Variants in PDE9A observed in about 807,000 individuals in gnomAD.
The protein encoded by PDE9A is phosphodiesterase 9A.
PDE9A carries 60 observed loss-of-function variants against 87.4 expected under a neutral mutation model. The observed-to-expected ratio is 0.69, with a 90% confidence interval of 0.56 to 0.85. The LOEUF is 0.85. Ranked by LOEUF, PDE9A falls within the 40% of genes least tolerant of loss-of-function variation. The pLI is 0.00. For synonymous variants in PDE9A, 272 were observed against 279.4 expected (o/e 0.97, Z 0.27); for missense variants, 665 against 779.0 (o/e 0.85, Z 1.74).
intron 1 of PDE9A, among the ~76,000 whole-genome samples, chr21:42,664,251 C>T (rs2057804088): frequency 6.6e-6 from 1 of 152,234 alleles, no homozygotes; most frequent in Non-Finnish European, 1.5e-5. Context: ...GCAATGGTGC[C>T]TCACCTCGCA....
intron 4 of PDE9A, among the ~76,000 whole-genome samples, chr21:42,699,674 CCCTCCCAGGTAG>C (rs2048231482): frequency 6.6e-6 from 1 of 152,054 alleles, no homozygotes; most frequent in South Asian, 2.1e-4. Context: ...TCCTGCCTCA[CCCTCCCAGGTAG>C]CTGGGATTAC....
intron 19 of PDE9A, 140 bp downstream of exon 19, chr21:42,772,660 T>A: frequency 3.2e-6 from 2 of 622,420 alleles, no homozygotes; most frequent in South Asian, 1.9e-5. Flanking sequence ...TGAAACTAAG[T>A]CTCGCTCTTG....
rs2059875488 is a variant in PDE9A, at chr21:42,692,068, C to T, written c.218+4074C>T. Reference sequence around the variant, plus strand: ...TGATCTCACTTACTTGTTTGAGGTTCTCACTGCTGCTGGCCCCGCTGGACG... The same window carrying T: ...TGATCTCACTTACTTGTTTGAGGTTTTCACTGCTGCTGGCCCCGCTGGACG... On this transcript the variant is annotated intron_variant, in intron 3 of 19. Coordinates refer to ENST00000291539, the MANE Select transcript of PDE9A (RefSeq NM_002606.3). This position sits in a 1 kb window ranked among gnomAD's most constrained non-coding sequence, Gnocchi z 4.3. 6.6e-6 allele frequency among the ~76,000 whole-genome samples: 1 copy of T among 152,228 alleles called. No homozygotes were observed. The highest frequency in any genetic ancestry group is 2.1e-4 in the South Asian group (1 of 4,832).
intron 4 of PDE9A, among the ~76,000 whole-genome samples, chr21:42,707,290 C>T (rs556876106): frequency 3.1e-4 from 47 of 152,276 alleles, no homozygotes; most frequent in African/African-American, 1.1e-3. Context: ...TCCAGGAGGT[C>T]CCTGCAGCCT....
intron 9 of PDE9A, among the ~76,000 whole-genome samples, chr21:42,751,991 TC>T (rs950361429): frequency 1.2e-3 from 179 of 150,584 alleles, no homozygotes; most frequent in African/African-American, 4.3e-3. Context: ...CCTCAGGTGA[TC>T]CGCCTGCCTC....
intron 1 of PDE9A, among the ~76,000 whole-genome samples, chr21:42,672,857 G>A (rs1170479030): frequency 6.6e-6 from 1 of 152,218 alleles, no homozygotes; most frequent in African/African-American, 2.4e-5. Context: ...AGCAATCAGA[G>A]CCTGCTGTGC....
At chr21:42,666,725 G>A (rs960395677) in intron 1 of PDE9A, among the ~76,000 whole-genome samples, 2 of 152,206 alleles carry the variant, frequency 1.3e-5, no homozygotes, top group African/African-American at 4.8e-5. Context: ...CATTTTAAAG[G>A]CCCGGTCTCC....
intron 4 of PDE9A, chr21:42,700,724 A>G (rs2048320684): frequency 6.6e-6 from 1 of 152,218 alleles, no homozygotes; most frequent in Non-Finnish European, 1.5e-5. Flanking sequence ...ATTTGTTGAA[A>G]AGATGATCTT....
intron 1 of PDE9A, among the ~76,000 whole-genome samples, chr21:42,670,420 G>A (rs62650033): frequency 1.4e-5 from 1 of 70,088 alleles, no homozygotes; most frequent in Non-Finnish European, 2.4e-5. Context: ...ACATTCACAC[G>A]CACTTACAGT....
rs757784199 is a variant in PDE9A at position 42,660,667 on chromosome 21, G to T, written c.69+6784G>T. ...ATTAAAATGGTTAAAAATAGAAAGT[G>T]CACAAGCAAGGGTCCATCTGCAGGA... is the stretch of plus-strand genomic sequence containing the variant. On this transcript the variant is annotated intron_variant, in intron 1 of 19. Coordinates refer to ENST00000291539, the MANE Select transcript of PDE9A (RefSeq NM_002606.3). This position sits in a 1 kb window ranked among gnomAD's most constrained non-coding sequence, Gnocchi z 4.7. Among the ~76,000 whole-genome samples the T allele has an allele frequency of 1.2e-4, 18 of 151,582 alleles. No homozygotes were observed. The highest frequency in any genetic ancestry group is 1.2e-4 in the Non-Finnish European group (8 of 67,910).
chr21:42,774,754 C>T (rs775756748), intron 19 of PDE9A, among the ~76,000 whole-genome samples: 99 of 151,320 alleles, frequency 6.5e-4, no homozygotes, highest in Non-Finnish European at 1.3e-3. Flanking sequence ...TAGTGGCGTG[C>T]ACCTGTAATC....
intron 10 of PDE9A, among the ~76,000 whole-genome samples, chr21:42,754,348 C>A (rs1822408024): frequency 6.6e-6 from 1 of 152,194 alleles, no homozygotes; most frequent in Non-Finnish European, 1.5e-5. Flanking sequence ...CGCTGGGCCC[C>A]CCGAGCCATC....
chr21:42,737,519 G>A (rs1385737889), intron 7 of PDE9A, among the ~76,000 whole-genome samples: 5 of 152,194 alleles, frequency 3.3e-5, no homozygotes, highest in African/African-American at 7.2e-5. Flanking sequence ...GAGAGAAGTG[G>A]CGTGATCTTG....
intron 1 of PDE9A, among the ~76,000 whole-genome samples, chr21:42,676,461 A>G (rs1166987640): frequency 6.6e-6 from 1 of 152,222 alleles, no homozygotes; most frequent in Admixed American, 6.5e-5. Context: ...GTCCTGGTGA[A>G]CATGAATCTG....
At chr21:42,670,405 CACATACAT>C (rs2058436154) in intron 1 of PDE9A, among the ~76,000 whole-genome samples, 3 of 103,750 alleles carry the variant, frequency 2.9e-5, no homozygotes, top group South Asian at 2.8e-4. Flanking sequence ...CAAACATTCA[CACATACAT>C]TCACACGCAC....
At chr21:42,708,776 G>T (rs891219847) in intron 4 of PDE9A, among the ~76,000 whole-genome samples, 1 of 151,940 alleles carries the variant, frequency 6.6e-6, no homozygotes, top group African/African-American at 2.4e-5. Context: ...GGCTGATCTC[G>T]AACTCCTGAC....
chr21:42,769,170 CCACAT>C lies in PDE9A; in HGVS notation c.1590+16_1590+20del. On this transcript the variant is annotated intron_variant, in intron 17 of 19. Coordinates refer to ENST00000291539, the MANE Select transcript of PDE9A (RefSeq NM_002606.3). ...CAGTGACCAAGGTGAGTAACTGTCA[CCACAT>C]GTCACACTTGCTTACACTCAGATAC... 1 of 1,565,906 alleles carries C rather than the reference CCACAT, an allele frequency of 6.4e-7. No homozygotes were observed. The highest frequency in any genetic ancestry group is 1.4e-5 in the African/African-American group (1 of 69,460).
At chr21:42,720,166 C>T (rs1304609036) in intron 4 of PDE9A, among the ~76,000 whole-genome samples, 4 of 152,186 alleles carry the variant, frequency 2.6e-5, no homozygotes, top group South Asian at 2.1e-4. Context: ...CAGCGGCATC[C>T]GTTCGGTTAT....
At chr21:42,747,328 GC>G (rs1296467216) in intron 8 of PDE9A, among the ~76,000 whole-genome samples, 1 of 152,190 alleles carries the variant, frequency 6.6e-6, no homozygotes, top group East Asian at 1.9e-4. Flanking sequence ...GGGGTGGGGG[GC>G]CTTCCCGAGA....
Sources: allele counts gnomAD v4.1 joint callset (sites outside exome capture counted in the v4.1 genomes callset), GRCh38; gene constraint gnomAD v4.1.1; non-coding constraint Gnocchi (gnomAD v3.1); transcripts MANE v1.5; gene names NCBI Gene and HGNC (gene_info 2026-07-23, HGNC 2026-07-21).